NOPCHAP1: variants seen among roughly 807,000 people sequenced by gnomAD.
NOPCHAP1 encodes the protein DNA damage-sensitive RNA 1.
NOPCHAP1 carries 13 observed loss-of-function variants against 14.0 expected under a neutral mutation model. The ratio of observed to expected loss-of-function variants is 0.93; its 90% CI spans 0.60 to 1.47. The LOEUF (loss-of-function observed/expected upper bound fraction) is 1.47. Among genes scored for constraint, NOPCHAP1 ranks in the 40% most tolerant of loss-of-function variants. The pLI is 0.00. For synonymous variants in NOPCHAP1, 78 were observed against 78.4 expected (o/e 1.00, Z 0.03); for missense variants, 230 against 226.9 (o/e 1.01, Z -0.09).
chr12:104,989,294 T>A (rs116240272), intron 2 of NOPCHAP1, among the ~76,000 whole-genome samples: 1,929 of 152,354 alleles, frequency 0.013, 42 homozygotes, highest in African/African-American at 0.043. Flanking sequence ...AACATCATTC[T>A]TGATAGTGCA....
At chr12:104,991,653 A>G in intron 2 of NOPCHAP1, 59 bp from the exon 3 acceptor site, 1 of 1,497,534 alleles carries the variant, frequency 6.7e-7, no homozygotes, top group East Asian at 2.3e-5. Context: ...TTTATAGGAA[A>G]TCCTGGGTTT....
In NOPCHAP1 at chr12:105,014,211, G is replaced by C. The variant is rs1873899808; in HGVS notation, c.*19515G>C. The C allele has an allele frequency of 6.6e-6, 1 of 152,142 alleles. No individual in the cohort carries two copies. Among genetic ancestry groups the C allele is most frequent in the South Asian group, 2.1e-4 (1 of 4,822 alleles). 9.4% of individuals were successfully genotyped at this position (152,142 alleles called of 1,614,324 possible). On this transcript the variant is annotated 3_prime_UTR_variant, in exon 4 of 4. Coordinates refer to ENST00000552951, the MANE Select transcript of NOPCHAP1 (RefSeq NM_152318.3). Reference sequence around the variant, plus strand: ...GTTTGTATTTCTTTCAACTGCAAATGGTACTAGGTACCGTCTATAAGTGTT... The same window carrying C: ...GTTTGTATTTCTTTCAACTGCAAATCGTACTAGGTACCGTCTATAAGTGTT...
At position 104,994,579 on chromosome 12, in the gene NOPCHAP1, C is replaced by T. The variant is rs372211138; in HGVS notation, c.441C>T (p.Asp147=). ...DSSENSSESE[D]EDDSIPSEVT... ...CAGAGAACAGTTCAGAATCAGAAGA[C>T]GAAGATGACAGCATCCCATCTGAAG... The change falls in exon 4 of 4, where the codon GAC becomes GAT. Residue 147 remains aspartate, a synonymous_variant. Transcript: ENST00000552951. The T allele has an allele frequency of 3.1e-3, 5,003 of 1,612,668 alleles. 13 individuals are homozygous for T. Among genetic ancestry groups the T allele is most frequent in the Middle Eastern group, 0.011 (66 of 6,062 alleles).
rs1477790675 is a variant in NOPCHAP1 at position 105,010,586 on chromosome 12, C to A, written c.*15890C>A. 1 of 152,178 alleles carries A rather than the reference C, an allele frequency of 6.6e-6. No homozygotes were observed. Among genetic ancestry groups the A allele is most frequent in the Non-Finnish European group, 1.5e-5 (1 of 68,030 alleles). The allele number at this position is 152,178 out of a possible 1,614,324, so 9.4% of individuals were successfully genotyped here. ...TGATGTTAGAGTATCGATTTTAGAT[C>A]TTTCCCGCTTTCTCCTGTGGGCATT... On this transcript the variant is annotated 3_prime_UTR_variant, in exon 4 of 4. Transcript: ENST00000552951.
In NOPCHAP1 at chr12:104,997,528, C is replaced by A. The variant is rs1173429138; in HGVS notation, c.*2832C>A. 1.1e-4 allele frequency: 16 copies of A among 152,072 alleles called. No individual in the cohort carries two copies. The highest frequency in any genetic ancestry group is 1.0e-3 in the Admixed American group (16 of 15,272). The allele number at this position is 152,072 out of a possible 1,614,324, so 9.4% of individuals were successfully genotyped here. On this transcript the variant is annotated 3_prime_UTR_variant, in exon 4 of 4. Transcript: ENST00000552951. ...TAAATAAAGAATGCTGAATATAGGC[C>A]CCCGATCTCTTCTGGCTTGTAGAGT...
rs929016200 is a variant in NOPCHAP1 at position 105,000,248 on chromosome 12, G to A, written c.*5552G>A. Reference sequence around the variant, plus strand: ...TTAGGTTATTAATTGGAAAGGTTGGGATATTCCTTTCAGTGAGTGTAGGCA... The same window carrying A: ...TTAGGTTATTAATTGGAAAGGTTGGAATATTCCTTTCAGTGAGTGTAGGCA... On this transcript the variant is annotated 3_prime_UTR_variant, in exon 4 of 4. Coordinates refer to ENST00000552951, the MANE Select transcript of NOPCHAP1 (RefSeq NM_152318.3). 1 of 152,190 alleles carries A rather than the reference G, an allele frequency of 6.6e-6. No homozygotes were observed. The highest frequency in any genetic ancestry group is 2.4e-5 in the African/African-American group (1 of 41,444). 9.4% of individuals were successfully genotyped at this position (152,190 alleles called of 1,614,324 possible). A position where few individuals can be genotyped will look rare whatever the true frequency, so the allele number is the denominator to read the frequency against.
At chr12:104,994,303 C>T (rs558315790) in intron 3 of NOPCHAP1, among the ~76,000 whole-genome samples, 175 bp from the exon 4 acceptor site, 20 of 152,326 alleles carry the variant, frequency 1.3e-4, no homozygotes, top group African/African-American at 4.8e-4. Flanking sequence ...GCTGAGATCA[C>T]ACCACTGCAC....
chr12:105,014,236 TTGTG>T lies in NOPCHAP1; in HGVS notation c.*19543_*19546del, dbSNP rs1873900722. On this transcript the variant is annotated 3_prime_UTR_variant, in exon 4 of 4. Coordinates refer to ENST00000552951, the MANE Select transcript of NOPCHAP1 (RefSeq NM_152318.3). ...GGTACTAGGTACCGTCTATAAGTGTTTGTGTGGGTAAGTGCTGATAAATTCTAAC... is the reference window on the plus strand; with the variant it reads ...GGTACTAGGTACCGTCTATAAGTGTTTGGGTAAGTGCTGATAAATTCTAAC... 6.6e-6 allele frequency: 1 copy of T among 152,228 alleles called. No individual in the cohort carries two copies. Among genetic ancestry groups the T allele is most frequent in the Admixed American group, 6.5e-5 (1 of 15,288 alleles). 9.4% of individuals were successfully genotyped at this position (152,228 alleles called of 1,614,324 possible).
At chr12:104,988,055 G>T (rs1229049832) in intron 1 of NOPCHAP1, 112 bp from the exon 2 acceptor site, 1 of 712,642 alleles carries the variant, frequency 1.4e-6, no homozygotes, top group Non-Finnish European at 2.3e-6. Flanking sequence ...AAAAATTTTG[G>T]GGGAGTGTGG....
chr12:104,991,899 TAAG>T (rs772051105), intron 3 of NOPCHAP1, 51 bp downstream of exon 3: 19 of 1,534,700 alleles, frequency 1.2e-5, no homozygotes, highest in African/African-American at 5.6e-5. Context: ...GCCTGTCACC[TAAG>T]AAGAAGAGAA....
rs1873947310 is a variant in NOPCHAP1, at chr12:105,016,372, T to TA, written c.*21677dup. On this transcript the variant is annotated 3_prime_UTR_variant, in exon 4 of 4. Coordinates refer to ENST00000552951, the MANE Select transcript of NOPCHAP1 (RefSeq NM_152318.3). ...CTGTGTTAGCTACTAGTCTAAGAGT[T>TA]ACCACCACTCATACATATGTAAAGG... 6.6e-6 allele frequency: 1 copy of TA among 152,252 alleles called. No homozygotes were observed. Among genetic ancestry groups the TA allele is most frequent in the Admixed American group, 6.5e-5 (1 of 15,286 alleles). 9.4% of individuals were successfully genotyped at this position (152,252 alleles called of 1,614,324 possible).
At chr12:104,990,449 A>G (rs1340371101) in intron 2 of NOPCHAP1, among the ~76,000 whole-genome samples, 3 of 152,214 alleles carry the variant, frequency 2.0e-5, no homozygotes, top group Non-Finnish European at 2.9e-5. Flanking sequence ...GAGAGCTAAC[A>G]TTCACTATTA....
At position 104,991,799 on chromosome 12, in the gene NOPCHAP1, G is replaced by A. The variant is rs199516315; in HGVS notation, c.290G>A (p.Arg97His). Residue 97 changes from arginine to histidine, a missense_variant, in exon 3 of 4, where the codon CGT becomes CAT. Physicochemically the swap from Arg to His is conservative, Grantham distance 29. Coordinates refer to ENST00000552951, the MANE Select transcript of NOPCHAP1 (RefSeq NM_152318.3). ...GAAATGGCAGCTGCACCACCTGGTCGTTTCAATATTGAAAACATTGATGGG... is the reference window on the plus strand; with the variant it reads ...GAAATGGCAGCTGCACCACCTGGTCATTTCAATATTGAAAACATTGATGGG... ...RKEMAAAPPG[R>H]FNIENIDGPH... 85 of 1,612,896 alleles carry A rather than the reference G, an allele frequency of 5.3e-5. No homozygotes were observed. The Middle Eastern group carries it at 6.6e-4, about 13-fold the overall frequency.
rs1162292182 is a variant in NOPCHAP1, at chr12:104,994,727, A to T, written c.*31A>T. On this transcript the variant is annotated 3_prime_UTR_variant, in exon 4 of 4. Coordinates refer to ENST00000552951, the MANE Select transcript of NOPCHAP1 (RefSeq NM_152318.3). ...TAAATTATCTGAAAAGAAACAGGTG[A>T]CATATGTCTGCAAATTCTGTGAAAA... 23 of 1,550,770 alleles carry T rather than the reference A, an allele frequency of 1.5e-5. No homozygotes were observed. Among genetic ancestry groups the T allele is most frequent in the Non-Finnish European group, 1.9e-5 (22 of 1,131,290 alleles).
chr12:104,998,821 G>A lies in NOPCHAP1; in HGVS notation c.*4125G>A, dbSNP rs73383498. Reference sequence around the variant, plus strand: ...GCTAGATTTTGTGTGCCCTCTGTGCGTGTGCTTACATGGGTAGCAGTGGCC... The same window carrying A: ...GCTAGATTTTGTGTGCCCTCTGTGCATGTGCTTACATGGGTAGCAGTGGCC... On this transcript the variant is annotated 3_prime_UTR_variant, in exon 4 of 4. Coordinates refer to ENST00000552951, the MANE Select transcript of NOPCHAP1 (RefSeq NM_152318.3). The A allele has an allele frequency of 0.032, 4,913 of 152,606 alleles. 191 individuals are homozygous for A. Among genetic ancestry groups the A allele is most frequent in the East Asian group, 0.14 (714 of 5,172 alleles). 9.5% of individuals were successfully genotyped at this position (152,606 alleles called of 1,614,324 possible).
In NOPCHAP1 at chr12:105,008,514, T is replaced by G. The variant is rs373557348; in HGVS notation, c.*13818T>G. The G allele has an allele frequency of 1.3e-4, 20 of 152,244 alleles. No homozygotes were observed. In the East Asian group the frequency reaches 1.3e-3, roughly 10 times the overall value. The allele number at this position is 152,244 out of a possible 1,614,324, so 9.4% of individuals were successfully genotyped here. ...TAGATCCCATTTGTCTATTTTAGCT[T>G]TTGTTGACATTGCTTTTGGTGTTTA... On this transcript the variant is annotated 3_prime_UTR_variant, in exon 4 of 4. Coordinates refer to ENST00000552951, the MANE Select transcript of NOPCHAP1 (RefSeq NM_152318.3).
chr12:105,007,979 A>T lies in NOPCHAP1; in HGVS notation c.*13283A>T, dbSNP rs1180682304. On this transcript the variant is annotated 3_prime_UTR_variant, in exon 4 of 4. Coordinates refer to ENST00000552951, the MANE Select transcript of NOPCHAP1 (RefSeq NM_152318.3). ...CTGCAGTAAACATACATGTGTCTTT[A>T]TAGTAGAATGATTTATAATCCTTTG... 6.6e-6 allele frequency: 1 copy of T among 152,156 alleles called. No homozygotes were observed. Among genetic ancestry groups the T allele is most frequent in the Non-Finnish European group, 1.5e-5 (1 of 68,016 alleles). 9.4% of individuals were successfully genotyped at this position (152,156 alleles called of 1,614,324 possible).
In NOPCHAP1 at chr12:105,006,685, T is replaced by C. The variant is rs1873716347; in HGVS notation, c.*11989T>C. ...AGGGCAGTCCTGATCATAAATCTAA[T>C]TGCATTTGCACAAAACAGTAGAGTT... On this transcript the variant is annotated 3_prime_UTR_variant, in exon 4 of 4. Transcript: ENST00000552951. 1 of 152,190 alleles carries C rather than the reference T, an allele frequency of 6.6e-6. No individual in the cohort carries two copies. 9.4% of individuals were successfully genotyped at this position (152,190 alleles called of 1,614,324 possible). A position where few individuals can be genotyped will look rare whatever the true frequency, so the allele number is the denominator to read the frequency against.
chr12:104,994,386 T>C (rs1873448236), intron 3 of NOPCHAP1, 92 bp from the exon 4 acceptor site: 2 of 1,159,814 alleles, frequency 1.7e-6, no homozygotes, highest in African/African-American at 3.0e-5. Context: ...TTTCAATATG[T>C]TTGCTGAATG....
Sources: allele counts gnomAD v4.1 joint callset (sites outside exome capture counted in the v4.1 genomes callset), GRCh38; gene constraint gnomAD v4.1.1; transcripts MANE v1.5; gene names NCBI Gene and HGNC (gene_info 2026-07-23, HGNC 2026-07-21).